Variants in MYO9A observed in about 807,000 individuals in gnomAD.
MYO9A encodes the protein unconventional myosin-IXa.
Under a neutral mutation model 293.3 loss-of-function variants are expected in MYO9A, and 103 were observed. That is an observed-to-expected ratio of 0.35 (90% CI 0.30 to 0.41). MYO9A has a LOEUF of 0.41. MYO9A is among the 10% of genes least tolerant of loss of function. The pLI is 1.00. For synonymous variants in MYO9A, 1,001 were observed against 1,035.7 expected (o/e 0.97, Z 0.64); for missense variants, 2,685 against 3,033.0 (o/e 0.89, Z 2.69).
At chr15:71,910,110 A>G (rs899232480) in intron 19 of MYO9A, among the ~76,000 whole-genome samples, 2 of 142,066 alleles carry the variant, frequency 1.4e-5, no homozygotes, top group African/African-American at 5.5e-5. Flanking sequence ...ACGTATATAT[A>G]TACGTGTATA....
In MYO9A at chr15:72,010,405, C is replaced by T; in HGVS notation, c.1198G>A (p.Glu400Lys). 6.2e-7 allele frequency: 1 copy of T among 1,613,460 alleles called. No individual in the cohort carries two copies. Among genetic ancestry groups the T allele is most frequent in the Non-Finnish European group, 8.5e-7 (1 of 1,179,632 alleles). Residue 400 changes from glutamate (E) to lysine (K), a missense_variant, in exon 7 of 42, where the codon GAG (glutamate) becomes AAG (lysine). By Grantham distance (56) the Glu-to-Lys change is moderately conservative. Around this residue, in one of 10 missense-constraint regions of MYO9A, gnomAD observed 289 missense variants for 456.8 expected, o/e 0.63. Transcript: ENST00000356056. ...ATTTCCATGGCAAGTTGTAGGCGCT[C>T]AAAGTCATGTCTCAAATCTTCTCCT... ...VEGEDLRHDF[E>K]RLQLAMEMVG...
intron 19 of MYO9A, among the ~76,000 whole-genome samples, chr15:71,908,846 T>C (rs1008358693): frequency 2.0e-5 from 3 of 152,230 alleles, no homozygotes; most frequent in Non-Finnish European, 4.4e-5. Context: ...TATAGACATT[T>C]ATTCACCATT....
chr15:71,862,725 G>A, intron 32 of MYO9A, 114 bp from the exon 33 acceptor site: 1 of 602,538 alleles, frequency 1.7e-6, no homozygotes, highest in Non-Finnish European at 2.9e-6. Context: ...TAATTCCAGG[G>A]GGACAATTAG....
Position 71,974,454 on chromosome 15 carries a change from A to G in MYO9A, c.1844+3717T>C, listed in dbSNP as rs1017210850. ...GGGAAGGTGCTGGTATGACTATCCA[A>G]TTCTTCCCAAGGGAGGAGTACACTG... On this transcript the variant is annotated intron_variant, in intron 12 of 41. Transcript: ENST00000356056. Among the ~76,000 whole-genome samples the G allele has an allele frequency of 2.0e-5, 3 of 152,298 alleles. No individual in the cohort carries two copies. In the East Asian group the frequency reaches 5.8e-4, roughly 29 times the overall value.
chr15:71,904,765 C>A (rs2057582852), intron 20 of MYO9A, among the ~76,000 whole-genome samples, 161 bp downstream of exon 20: 1 of 152,154 alleles, frequency 6.6e-6, no homozygotes, highest in African/African-American at 2.4e-5. Flanking sequence ...ACCTTACAGG[C>A]AGGGAAGTGT....
chr15:71,867,193 A>T (rs1452660978), intron 32 of MYO9A, among the ~76,000 whole-genome samples: 1 of 152,210 alleles, frequency 6.6e-6, no homozygotes, highest in Non-Finnish European at 1.5e-5. Flanking sequence ...TGATGTTGGT[A>T]GCCATTGATA....
rs1272839795 is a variant in MYO9A at position 71,899,917 on chromosome 15, A to T, written c.3240T>A (p.Leu1080=). ...AGTGAGCACGCCAGGAAGCTTGGAG[A>T]AGAGCAGCTGCACTAGCCATAACAA... ...DAFVMASAAA[L]LQASWRAHLE... Residue 1080 remains leucine (L), a synonymous_variant, in exon 24 of 42, where the codon CTT becomes CTA. Transcript: ENST00000356056. 6.2e-6 allele frequency: 10 copies of T among 1,613,952 alleles called. No homozygotes were observed. Among genetic ancestry groups the T allele is most frequent in the Non-Finnish European group, 8.5e-6 (10 of 1,180,026 alleles).
chr15:71,996,202 A>T (rs1348264337), intron 9 of MYO9A, among the ~76,000 whole-genome samples: 2 of 152,226 alleles, frequency 1.3e-5, no homozygotes, highest in African/African-American at 2.4e-5. Context: ...GGAAAAGTAC[A>T]ATATTTTAAA....
At position 71,852,139 on chromosome 15, in the gene MYO9A, T is replaced by C; in HGVS notation, c.6468A>G (p.Arg2156=). The C allele has an allele frequency of 1.2e-6, 2 of 1,612,008 alleles. No individual in the cohort carries two copies. Among genetic ancestry groups the C allele is most frequent in the South Asian group, 2.2e-5 (2 of 90,690 alleles). ...MTFELYEEFL[R]AMGLQERKET... Reference sequence around the variant, plus strand: ...CAGGAAGCCTATGCTTACCCATAGCTCGAAGAAATTCCTCATAGAGTTCAA... The same window carrying C: ...CAGGAAGCCTATGCTTACCCATAGCCCGAAGAAATTCCTCATAGAGTTCAA... Residue 2156 remains arginine (R), a synonymous_variant, in exon 36 of 42, where the codon CGA becomes CGG. Coordinates refer to ENST00000356056, the MANE Select transcript of MYO9A (RefSeq NM_006901.4).
At chr15:72,008,612 T>C (rs951748965) in intron 7 of MYO9A, among the ~76,000 whole-genome samples, 2 of 152,076 alleles carry the variant, frequency 1.3e-5, no homozygotes, top group African/African-American at 2.4e-5. Flanking sequence ...CAGAAGAGTA[T>C]GTGCCCTCCA....
intron 10 of MYO9A, among the ~76,000 whole-genome samples, chr15:71,994,138 G>T (rs1455429883): frequency 6.6e-6 from 1 of 151,896 alleles, no homozygotes; most frequent in South Asian, 2.1e-4. Context: ...AAATAGCCAG[G>T]TCCAGATATA....
Position 71,897,744 on chromosome 15 carries a change from T to C in MYO9A, c.4759A>G (p.Lys1587Glu), listed in dbSNP as rs1272931241. Residue 1587 changes from lysine to glutamate, a missense_variant, in exon 25 of 42, where the codon AAA (lysine) becomes GAA (glutamate). Lys to Glu is a moderately conservative substitution (Grantham distance 56). This residue lies in a region of MYO9A where 1,434 missense variants were observed against 1,497.7 expected (regional missense o/e 0.96). Coordinates refer to ENST00000356056, the MANE Select transcript of MYO9A (RefSeq NM_006901.4). ...LSLKDAALAQ[K>E]DSSSAHLPPK... is the part of the protein sequence containing the mutation. ...GGTAAGTGAGCAGAGGAACTGTCTT[T>C]TTGGGCAAGAGCTGCATCTTTTAAT... 1 of 1,614,076 alleles carries C rather than the reference T, an allele frequency of 6.2e-7. No homozygotes were observed. Among genetic ancestry groups the C allele is most frequent in the Non-Finnish European group, 8.5e-7 (1 of 1,180,020 alleles).
intron 1 of MYO9A, among the ~76,000 whole-genome samples, chr15:72,109,901 AAAATAAAT>A (rs1308168902): frequency 5.9e-5 from 9 of 151,832 alleles, no homozygotes; most frequent in Non-Finnish European, 1.2e-4. Flanking sequence ...GTCTCACAAA[AAAATAAAT>A]AAATAAATAA....
At chr15:71,882,592 C>T (rs2056907331) in intron 28 of MYO9A, among the ~76,000 whole-genome samples, 1 of 152,070 alleles carries the variant, frequency 6.6e-6, no homozygotes, top group African/African-American at 2.4e-5. Flanking sequence ...GCTATGATCA[C>T]ACCACTCCGG....
chr15:71,914,211 G>C (rs1039776922), intron 19 of MYO9A, among the ~76,000 whole-genome samples: 1 of 152,066 alleles, frequency 6.6e-6, no homozygotes, highest in East Asian at 1.9e-4. Context: ...CTCTTCCTGA[G>C]CCGTAGCAAA....
intron 1 of MYO9A, among the ~76,000 whole-genome samples, chr15:72,057,912 G>T (rs2078766844): frequency 6.6e-6 from 1 of 152,102 alleles, no homozygotes; most frequent in Non-Finnish European, 1.5e-5. Flanking sequence ...GTAGGTTTCT[G>T]TTCTCTACAA....
chr15:71,827,147 A>G, intron 41 of MYO9A, 104 bp from the exon 42 acceptor site: 1 of 888,520 alleles, frequency 1.1e-6, no homozygotes. Context: ...TGGGTGGGAT[A>G]AGATTCAGAG....
chr15:72,059,345 G>T (rs996675164), intron 1 of MYO9A, among the ~76,000 whole-genome samples: 1 of 152,156 alleles, frequency 6.6e-6, no homozygotes, highest in Admixed American at 6.5e-5. Context: ...CAAAACAAAG[G>T]TTAATGCTTC....
At chr15:72,041,730 C>G (rs2149599445) in intron 2 of MYO9A, 1 of 164,966 alleles carries the variant, frequency 6.1e-6, no homozygotes, top group East Asian at 1.6e-4. Flanking sequence ...CGTACCTGCA[C>G]AGGTCCCCTA....
Sources: allele counts gnomAD v4.1 joint callset (sites outside exome capture counted in the v4.1 genomes callset), GRCh38; gene constraint gnomAD v4.1.1; regional missense constraint gnomAD v4.1.1; transcripts MANE v1.5; gene names NCBI Gene and HGNC (gene_info 2026-07-23, HGNC 2026-07-21).